DMAC2L: variants seen among roughly 807,000 people sequenced by gnomAD.
The protein encoded by DMAC2L is ATP synthase subunit s, mitochondrial.
DMAC2L carries 21 observed loss-of-function variants against 22.5 expected under a neutral mutation model. The observed-to-expected ratio is 0.93, with a 90% confidence interval of 0.66 to 1.34. The LOEUF is 1.34. Ranked by LOEUF, DMAC2L falls within the 40% of genes most tolerant of loss-of-function variation. DMAC2L has a pLI of 0.00. For synonymous variants in DMAC2L, 86 were observed against 89.5 expected (o/e 0.96, Z 0.22); for missense variants, 239 against 246.5 (o/e 0.97, Z 0.20).
At position 50,323,904 on chromosome 14, in the gene DMAC2L, A is replaced by C. The variant is rs779436386; in HGVS notation, c.317-41A>C. The C allele has an allele frequency of 3.9e-5, 59 of 1,519,586 alleles. 1 individual carries two copies. In the South Asian group the frequency reaches 7.1e-4, roughly 18 times the overall value. The allele number at this position is 1,519,586 out of a possible 1,614,324, so 94.1% of individuals were successfully genotyped here. A position where few individuals can be genotyped will look rare whatever the true frequency, so the allele number is the denominator to read the frequency against. ...GCAAACCAGGACAGTTTGTCATCTT[A>C]GTGGTAAAGCAGATTCTTAATCTGT... On this transcript the variant is annotated intron_variant, in intron 4 of 5. Transcript: ENST00000557421.
chr14:50,311,671 C>T (rs1040867325), upstream of DMAC2L, among the ~76,000 whole-genome samples: 7 of 152,178 alleles, frequency 4.6e-5, no homozygotes, highest in Admixed American at 1.3e-4. Flanking sequence ...TCCTTTTATC[C>T]TTCAAATGAC....
intron 2 of DMAC2L, among the ~76,000 whole-genome samples, chr14:50,321,071 C>G (rs1005383059): frequency 6.6e-6 from 1 of 152,172 alleles, no homozygotes; most frequent in African/African-American, 2.4e-5. Context: ...TTCCTGGATG[C>G]AAGCATCTTA....
chr14:50,323,090 T>C (rs565174639), intron 4 of DMAC2L: 117 of 49,142 alleles, frequency 2.4e-3, no homozygotes, highest in African/African-American at 0.014. Flanking sequence ...TCTTTCTTTC[T>C]TTTTTTTTTT....
Position 50,325,878 on chromosome 14 carries a change from A to G in DMAC2L, c.*155A>G. ...TCATATGTAGAAAATAAATATTCAGACGTGGCTCATTAATGTTACTAAGTT... is the reference window on the plus strand; with the variant it reads ...TCATATGTAGAAAATAAATATTCAGGCGTGGCTCATTAATGTTACTAAGTT... On this transcript the variant is annotated 3_prime_UTR_variant, in exon 6 of 6. Transcript: ENST00000557421. 7.7e-7 allele frequency: 1 copy of G among 1,298,784 alleles called. No individual in the cohort carries two copies. The highest frequency in any genetic ancestry group is 9.8e-7 in the Non-Finnish European group (1 of 1,021,426). 80.5% of individuals were successfully genotyped at this position (1,298,784 alleles called of 1,614,324 possible). A position where few individuals can be genotyped will look rare whatever the true frequency, so the allele number is the denominator to read the frequency against.
At chr14:50,319,168 A>G in intron 2 of DMAC2L, 2 of 1,534,764 alleles carry the variant, frequency 1.3e-6, no homozygotes, top group Non-Finnish European at 1.7e-6. Context: ...TTGACAACTA[A>G]TAGAGTTATT....
At chr14:50,312,204 A>G (rs1237766235), upstream of DMAC2L, 13 of 1,596,102 alleles carry the variant, frequency 8.1e-6, no homozygotes, top group South Asian at 7.8e-5. Flanking sequence ...TTGACCCTCC[A>G]CGGCCGAGGA....
At chr14:50,313,067 T>G in intron 1 of DMAC2L, 2 of 1,605,374 alleles carry the variant, frequency 1.2e-6, no homozygotes, top group Non-Finnish European at 1.7e-6. Flanking sequence ...GCAGGTCACT[T>G]CACCTGATTC....
At chr14:50,318,706 C>T (rs1339885815) in intron 2 of DMAC2L, among the ~76,000 whole-genome samples, 1 of 151,806 alleles carries the variant, frequency 6.6e-6, no homozygotes, top group Non-Finnish European at 1.5e-5. Context: ...TATTCTGCTT[C>T]TGCTTCTAGA....
chr14:50,319,224 G>C, intron 2 of DMAC2L: 1 of 1,534,170 alleles, frequency 6.5e-7, no homozygotes. Flanking sequence ...AGTTGGAAAG[G>C]GTTGAGAACA....
At chr14:50,320,231 C>CT (rs1425401707) in intron 2 of DMAC2L, among the ~76,000 whole-genome samples, 4 of 152,038 alleles carry the variant, frequency 2.6e-5, no homozygotes, top group African/African-American at 7.3e-5. Context: ...GTAGCTGGGA[C>CT]TACAGGCGCA....
At chr14:50,312,068 C>T (rs751365583), upstream of DMAC2L, 5 of 1,599,980 alleles carry the variant, frequency 3.1e-6, no homozygotes, top group East Asian at 4.5e-5. Flanking sequence ...AGACGCGAAC[C>T]CGCACGCCCC....
Position 50,324,218 on chromosome 14 carries a change from A to T in DMAC2L, c.488+102A>T. 4 of 1,285,892 alleles carry T rather than the reference A, an allele frequency of 3.1e-6. No homozygotes were observed. The South Asian group carries it at 5.1e-5, about 16-fold the overall frequency. 79.7% of individuals were successfully genotyped at this position (1,285,892 alleles called of 1,614,324 possible). On this transcript the variant is annotated intron_variant, in intron 5 of 5. Coordinates refer to ENST00000557421, the MANE Select transcript of DMAC2L (RefSeq NM_001382507.1). ...GTGGTGTCTTTTTTTAGTTCTAAAA[A>T]AGATAATTTTAAAAAATGACCTCAC... is the stretch of plus-strand genomic sequence containing the variant.
At position 50,325,970 on chromosome 14, in the gene DMAC2L, CT is replaced by C; in HGVS notation, c.*248del. On this transcript the variant is annotated 3_prime_UTR_variant, in exon 6 of 6. Coordinates refer to ENST00000557421, the MANE Select transcript of DMAC2L (RefSeq NM_001382507.1). ...TGCAGCCAGGCGCAGTGGCTCATGC[CT>C]GTAATCCTAGCACTTTGGGAGGCCA... 1 of 1,101,872 alleles carries C rather than the reference CT, an allele frequency of 9.1e-7. No homozygotes were observed. 68.3% of individuals were successfully genotyped at this position (1,101,872 alleles called of 1,614,324 possible).
At chr14:50,314,474 C>G (rs948827441) in intron 1 of DMAC2L, 117 bp from the exon 2 acceptor site, 3 of 452,392 alleles carry the variant, frequency 6.6e-6, no homozygotes, top group Non-Finnish European at 1.3e-5. Flanking sequence ...CAAGTACATT[C>G]AACTGTTCAC....
chr14:50,318,424 G>T (rs1324097786), intron 2 of DMAC2L, among the ~76,000 whole-genome samples: 3 of 151,970 alleles, frequency 2.0e-5, no homozygotes, highest in African/African-American at 7.3e-5. Context: ...AGTAAATTTG[G>T]CCTTTCGTTT....
Position 50,325,603 on chromosome 14 carries a change from T to G in DMAC2L, c.489-6T>G. The G allele has an allele frequency of 6.3e-7, 1 of 1,597,392 alleles. No homozygotes were observed. The highest frequency in any genetic ancestry group is 1.1e-5 in the South Asian group (1 of 88,140). Reference sequence around the variant, plus strand: ...AAATTGAAGTGACTTTTTTCTTTATTTGCAGAAACCTCAAATATTTGTTGT... The same window carrying G: ...AAATTGAAGTGACTTTTTTCTTTATGTGCAGAAACCTCAAATATTTGTTGT... On this transcript the variant is annotated splice_polypyrimidine_tract_variant and splice_region_variant and intron_variant, in intron 5 of 5. Transcript: ENST00000557421.
In DMAC2L at chr14:50,312,403, C is replaced by T. The variant is rs1443496021; in HGVS notation, c.-42+14C>T. 1.4e-5 allele frequency: 8 copies of T among 570,250 alleles called. No individual in the cohort carries two copies. Among genetic ancestry groups the T allele is most frequent in the African/African-American group, 9.4e-5 (5 of 53,048 alleles). The allele number at this position is 570,250 out of a possible 1,614,324, so 35.3% of individuals were successfully genotyped here. On this transcript the variant is annotated intron_variant, in intron 1 of 5. Transcript: ENST00000557421. The stretch of plus-strand genomic sequence containing the variant: ...CCCTCCGACGCTGTGAGTAGAGAAG[C>T]TAGGCCCCGAGCCGGGCGGGACTAG...
rs531685296 is a variant in DMAC2L at position 50,326,680 on chromosome 14, C to T, written c.*957C>T. ...ACTTGGCTGAATACAAATAGTTTTGCAGATTGCAATATAATAAAGGAAACA... is the reference window on the plus strand; with the variant it reads ...ACTTGGCTGAATACAAATAGTTTTGTAGATTGCAATATAATAAAGGAAACA... On this transcript the variant is annotated 3_prime_UTR_variant, in exon 6 of 6. Transcript: ENST00000557421. The T allele has an allele frequency of 1.4e-5, 14 of 985,290 alleles. No individual in the cohort carries two copies. In the East Asian group the frequency reaches 1.5e-3, roughly 104 times the overall value. 61.0% of individuals were successfully genotyped at this position (985,290 alleles called of 1,614,324 possible). A position where few individuals can be genotyped will look rare whatever the true frequency, so the allele number is the denominator to read the frequency against.
rs1019197167 is a variant in DMAC2L at position 50,325,746 on chromosome 14, T to G, written c.*23T>G. On this transcript the variant is annotated 3_prime_UTR_variant, in exon 6 of 6. Transcript: ENST00000557421. ...TAAAATAATGTGTCTTATTTCAGTA[T>G]AAAGGATCATTTGAAACTGTTGATT... 1 of 1,595,376 alleles carries G rather than the reference T, an allele frequency of 6.3e-7. No homozygotes were observed. The highest frequency in any genetic ancestry group is 8.5e-7 in the Non-Finnish European group (1 of 1,172,784).
Sources: gnomAD v4.1 joint callset for allele counts (sites outside exome capture counted in the v4.1 genomes callset) on GRCh38, gnomAD v4.1.1 for gene constraint, MANE v1.5 for transcripts, NCBI Gene and HGNC (gene_info 2026-07-23, HGNC 2026-07-21) for gene names.